The following CIITA variants were observed in gnomAD, a reference collection of about 807,000 sequenced individuals.
CIITA encodes MHC class II transactivator.
A neutral mutation model predicts 115.1 loss-of-function variants in CIITA; 72 were observed. That is an observed-to-expected ratio of 0.63 (90% CI 0.52 to 0.76). CIITA has a LOEUF of 0.76. Among genes scored for constraint, CIITA ranks in the 30% least tolerant of loss-of-function variants. CIITA has a pLI of 0.00. For synonymous variants in CIITA, 763 were observed against 635.6 expected (o/e 1.20, Z -3.02); for missense variants, 1,617 against 1,463.8 (o/e 1.10, Z -1.71).
At chr16:10,915,444 G>A in intron 13 of CIITA, 126 bp from the exon 14 acceptor site, 1 of 758,114 alleles carries the variant, frequency 1.3e-6, no homozygotes. Context: ...AGAGGCTGGG[G>A]TGGAAGGGAA....
chr16:10,890,745 C>G (rs938734844), intron 1 of CIITA, among the ~76,000 whole-genome samples: 4 of 152,188 alleles, frequency 2.6e-5, no homozygotes, highest in African/African-American at 9.7e-5. Context: ...TAATGATGGC[C>G]ATCACACATA....
In CIITA at chr16:10,890,179, T is replaced by C. The variant is rs116929894; in HGVS notation, c.53-5103T>C. On this transcript the variant is annotated intron_variant, in intron 1 of 19. Coordinates refer to ENST00000324288, the MANE Select transcript of CIITA (RefSeq NM_000246.4). ...TTTCTTCTTGTCCAGGTTGAGCCAA[T>C]GACGCAGATCTTAGGCCCTCTGGTG... Among the ~76,000 whole-genome samples, 97 of 152,212 alleles carry C rather than the reference T, an allele frequency of 6.4e-4. 1 individual carries two copies. In the East Asian group the frequency reaches 0.017, roughly 27 times the overall value.
In CIITA at chr16:10,920,184, G is replaced by C. The variant is rs1365805804; in HGVS notation, c.3149+1658G>C. Among the ~76,000 whole-genome samples, 1 of 152,204 alleles carries C rather than the reference G, an allele frequency of 6.6e-6. No individual in the cohort carries two copies. Among genetic ancestry groups the C allele is most frequent in the South Asian group, 2.1e-4 (1 of 4,836 alleles). On this transcript the variant is annotated intron_variant, in intron 16 of 19. Transcript: ENST00000324288. The surrounding 1 kb of genome is among the most constrained non-coding windows in gnomAD (Gnocchi z 4.5). ...CACAAGAGGTATTTGCAGTTTTTCA[G>C]TGTGAATGGAAAAGTAGGTGGGCCT...
Position 10,933,647 on chromosome 16 carries a change from T to G in CIITA, c.*9792T>G, listed in dbSNP as rs1040170143. The stretch of plus-strand genomic sequence containing the variant: ...CATCAGTACAGGGTGGTTCCTTCCC[T>G]CCTTAGCCCCACCTGTTCCCAGGTA... On this transcript the variant is annotated 3_prime_UTR_variant, in exon 20 of 20. Transcript: ENST00000324288. 6.6e-6 allele frequency: 1 copy of G among 152,210 alleles called. No homozygotes were observed. The highest frequency in any genetic ancestry group is 2.4e-5 in the African/African-American group (1 of 41,424). 9.4% of individuals were successfully genotyped at this position (152,210 alleles called of 1,614,324 possible). A position where few individuals can be genotyped will look rare whatever the true frequency, so the allele number is the denominator to read the frequency against.
chr16:10,922,866 G>T, intron 18 of CIITA: 1 of 497,136 alleles, frequency 2.0e-6, no homozygotes. Flanking sequence ...TCACCATGAT[G>T]TCCAATACTG....
chr16:10,902,941 C>A (rs952823670), intron 8 of CIITA, 140 bp downstream of exon 8: 1 of 1,075,622 alleles, frequency 9.3e-7, no homozygotes, highest in Admixed American at 2.0e-5. Flanking sequence ...ACAACTTTCT[C>A]TGTCCCTATT....
At chr16:10,891,820 T>C (rs548040583) in intron 1 of CIITA, among the ~76,000 whole-genome samples, 64 of 152,312 alleles carry the variant, frequency 4.2e-4, no homozygotes, top group African/African-American at 1.5e-3. Flanking sequence ...GGTGGCCCCA[T>C]CTTTCAGTTC....
chr16:10,922,516 G>T, intron 18 of CIITA, 26 bp downstream of exon 18: 1 of 1,612,256 alleles, frequency 6.2e-7, no homozygotes, highest in Admixed American at 1.7e-5. Flanking sequence ...CCTGGTGGGT[G>T]GAGAACAACT....
At chr16:10,870,593 A>G (rs1391681519) in intron 1 of CIITA, among the ~76,000 whole-genome samples, 1 of 152,246 alleles carries the variant, frequency 6.6e-6, no homozygotes, top group African/African-American at 2.4e-5. Flanking sequence ...TGATGATGGA[A>G]AAAGAACCAG....
intron 1 of CIITA, among the ~76,000 whole-genome samples, chr16:10,883,742 G>A (rs1253848858): frequency 2.0e-5 from 3 of 152,200 alleles, no homozygotes; most frequent in African/African-American, 7.2e-5. Flanking sequence ...GTTTACTGGG[G>A]ACATTCACAG....
intron 1 of CIITA, among the ~76,000 whole-genome samples, chr16:10,881,508 T>C (rs191771017): frequency 6.6e-6 from 1 of 152,346 alleles, no homozygotes; most frequent in Admixed American, 6.5e-5. Flanking sequence ...TGTTTGACAG[T>C]GCCCTAATGC....
At position 10,907,377 on chromosome 16, in the gene CIITA, G is replaced by A; in HGVS notation, c.1885G>A (p.Glu629Lys). ...CTCAGAGGCCCTGCTGGAGCTTGGG[G>A]AGGACGCCAAGCTGCCCTCCACGCT... ...QLSEALLELG[E>K]DAKLPSTLTG... Residue 629 changes from glutamate to lysine, a missense_variant, in exon 11 of 20, where the codon GAG (glutamate) becomes AAG (lysine). Transcript: ENST00000324288. This position sits in a 1 kb window ranked among gnomAD's most constrained non-coding sequence, Gnocchi z 5.0. The A allele has an allele frequency of 6.2e-7, 1 of 1,613,374 alleles. No homozygotes were observed. The highest frequency in any genetic ancestry group is 1.1e-5 in the South Asian group (1 of 91,072).
At position 10,922,180 on chromosome 16, in the gene CIITA, T is replaced by C. The variant is rs2040308064; in HGVS notation, c.3163T>C (p.Cys1055Arg). Reference sequence around the variant, plus strand: ...TGTTTCCGACAGCTTGTACAATAACTGCATCTGCGACGTGGGAGCCGAGAG... The same window carrying C: ...TGTTTCCGACAGCTTGTACAATAACCGCATCTGCGACGTGGGAGCCGAGAG... ...SLLRLSLYNN[C>R]ICDVGAESLA... is the part of the protein sequence containing the mutation. The change falls in exon 17 of 20, where the codon TGC becomes CGC. Residue 1055 changes from cysteine to arginine, a missense_variant. Physicochemically the swap from Cys to Arg is radical, Grantham distance 180. Transcript: ENST00000324288. The C allele has an allele frequency of 6.2e-7, 1 of 1,614,216 alleles. No individual in the cohort carries two copies. Among genetic ancestry groups the C allele is most frequent in the Non-Finnish European group, 8.5e-7 (1 of 1,180,034 alleles).
At chr16:10,939,348 T>C (rs79333627), downstream of CIITA, 2 of 152,326 alleles carry the variant, frequency 1.3e-5, no homozygotes, top group African/African-American at 4.8e-5. This position sits in a 1 kb window ranked among gnomAD's most constrained non-coding sequence, Gnocchi z 4.9. Flanking sequence ...TTTTGCAAAA[T>C]GGGAATGGGA....
downstream of CIITA, chr16:10,940,352 C>G (rs2041085636): frequency 6.6e-6 from 1 of 152,256 alleles, no homozygotes; most frequent in Non-Finnish European, 1.5e-5. The surrounding 1 kb of genome is among the most constrained non-coding windows in gnomAD (Gnocchi z 4.2). Flanking sequence ...CTATGGTGTT[C>G]TGTTATAGCA....
upstream of CIITA, among the ~76,000 whole-genome samples, chr16:10,874,420 A>T (rs1485109549): frequency 1.3e-5 from 2 of 152,110 alleles, no homozygotes; most frequent in Non-Finnish European, 2.9e-5. Flanking sequence ...CCTCTGAGAC[A>T]TCCGGCCCCC....
downstream of CIITA, chr16:10,938,282 C>T (rs569180102): frequency 6.6e-6 from 1 of 151,998 alleles, no homozygotes; most frequent in South Asian, 2.1e-4. This position sits in a 1 kb window ranked among gnomAD's most constrained non-coding sequence, Gnocchi z 4.9. Flanking sequence ...AGGGCCCTGG[C>T]TCTTAACCAT....
chr16:10,897,513 C>A (rs962284601), intron 3 of CIITA, among the ~76,000 whole-genome samples: 1 of 152,196 alleles, frequency 6.6e-6, no homozygotes, highest in South Asian at 2.1e-4. Context: ...CAAACATTCA[C>A]GTCATAACAG....
chr16:10,898,448 G>T (rs1044744225), intron 3 of CIITA, among the ~76,000 whole-genome samples: 2 of 151,910 alleles, frequency 1.3e-5, no homozygotes, highest in Non-Finnish European at 2.9e-5. Flanking sequence ...CTTTGTAGCA[G>T]TAGATAAGTT....
Sources: allele counts gnomAD v4.1 joint callset (sites outside exome capture counted in the v4.1 genomes callset), GRCh38; gene constraint gnomAD v4.1.1; non-coding constraint Gnocchi (gnomAD v3.1); transcripts MANE v1.5; gene names NCBI Gene and HGNC (gene_info 2026-07-23, HGNC 2026-07-21).